The following NFAT5 variants were observed in gnomAD, a reference collection of about 807,000 sequenced individuals.
NFAT5 encodes nuclear factor of activated T cells 5, also known as nuclear factor of activated T-cells 5.
In NFAT5, 31 loss-of-function variants were observed where a neutral mutation model predicts 166.5. That is an observed-to-expected ratio of 0.19 (90% CI 0.14 to 0.25). The LOEUF (loss-of-function observed/expected upper bound fraction) is 0.25. NFAT5 is among the 10% of genes least tolerant of loss of function. The probability of loss-of-function intolerance (pLI) is 1.00; values close to 1 mark genes in which losing one functional copy is unlikely to be tolerated. For synonymous variants in NFAT5, 612 were observed against 639.7 expected, an observed-to-expected ratio of 0.96 and a Z score of 0.65; for missense variants, 1,449 against 1,821.8, an observed-to-expected ratio of 0.80 and a Z score of 3.72.
intron 1 of NFAT5, 102 bp from the exon 2 acceptor site, chr16:69,568,390 ATAT>A: frequency 2.3e-6 from 1 of 426,022 alleles, no homozygotes; most frequent in Non-Finnish European, 4.2e-6. Context: ...ATATATATAT[ATAT>A]ACACACACAC....
chr16:69,580,804 C>T (rs1272116300), intron 2 of NFAT5, among the ~76,000 whole-genome samples: 1 of 151,718 alleles, frequency 6.6e-6, no homozygotes, highest in Non-Finnish European at 1.5e-5. Context: ...TACAGGTGCC[C>T]GCCACCACGC....
rs143626442 is a variant in NFAT5, at chr16:69,640,556, A to T, written c.254-6472A>T. On this transcript the variant is annotated intron_variant, in intron 3 of 14. Transcript: ENST00000349945. ...TTTCTCTGAATATCTTTCTTCTTTA[A>T]TCTGAAAATATGTCCTTGTATCTGG... Among the ~76,000 whole-genome samples, 337 of 152,336 alleles carry T rather than the reference A, an allele frequency of 2.2e-3. 2 individuals carry two copies. The highest frequency in any genetic ancestry group is 5.4e-3 in the South Asian group (26 of 4,826).
chr16:69,660,207 GC>G (rs1567584363), intron 7 of NFAT5, among the ~76,000 whole-genome samples: 2 of 152,154 alleles, frequency 1.3e-5, no homozygotes, highest in East Asian at 1.9e-4. Flanking sequence ...GATCACTTCA[GC>G]CCAGGAGTTT....
At chr16:69,600,628 T>C (rs2033076128) in intron 2 of NFAT5, among the ~76,000 whole-genome samples, 1 of 152,020 alleles carries the variant, frequency 6.6e-6, no homozygotes, top group African/African-American at 2.4e-5. Context: ...AAAGGAAGTA[T>C]GGGAAATTTA....
chr16:69,644,796 G>T, intron 3 of NFAT5: 1 of 452,380 alleles, frequency 2.2e-6, no homozygotes, highest in South Asian at 1.6e-5. Flanking sequence ...GTCATGAACA[G>T]GGATCCCTGA....
chr16:69,592,280 A>G (rs928429397), intron 2 of NFAT5, among the ~76,000 whole-genome samples: 1 of 151,930 alleles, frequency 6.6e-6, no homozygotes, highest in East Asian at 1.9e-4. Context: ...GGGTTTCACC[A>G]TGTTGGCCAG....
chr16:69,566,145 G>C lies in NFAT5; in HGVS notation c.-157G>C. On this transcript the variant is annotated 5_prime_UTR_variant, in exon 1 of 15. Coordinates refer to ENST00000349945, the MANE Select transcript of NFAT5 (RefSeq NM_138713.4). The surrounding 1 kb of genome is among the most constrained non-coding windows in gnomAD (Gnocchi z 5.7). ...CCTCGCCATCGTTTCCTCGGTCCTC[G>C]GCCCAGTGGAAGTCACTACCCTCGA... 1 of 606,998 alleles carries C rather than the reference G, an allele frequency of 1.6e-6. No homozygotes were observed. 37.6% of individuals were successfully genotyped at this position (606,998 alleles called of 1,614,324 possible). A position where few individuals can be genotyped will look rare whatever the true frequency, so the allele number is the denominator to read the frequency against.
intron 2 of NFAT5, among the ~76,000 whole-genome samples, chr16:69,597,403 C>T (rs1049709855): frequency 1.3e-5 from 2 of 152,034 alleles, no homozygotes; most frequent in East Asian, 1.9e-4. Context: ...TTTCCTTGCA[C>T]GGTAAAGGGC....
intron 2 of NFAT5, among the ~76,000 whole-genome samples, chr16:69,588,328 T>C (rs1157441779): frequency 6.6e-6 from 1 of 152,166 alleles, no homozygotes; most frequent in East Asian, 1.9e-4. Context: ...TCTTTTCTAA[T>C]TATAAAAACC....
intron 1 of NFAT5, 119 bp from the exon 2 acceptor site, chr16:69,568,376 G>GTGTGTGTGTGTGTGTGTGTGTATA (rs1163472084): frequency 3.6e-6 from 1 of 278,186 alleles, no homozygotes; most frequent in Non-Finnish European, 6.5e-6. Flanking sequence ...GTGTGTGTGT[G>GTGTGTGTGTGTGTGTGTGTGTATA]TATATATATA....
chr16:69,600,468 A>G (rs1443460221), intron 2 of NFAT5, among the ~76,000 whole-genome samples: 1 of 152,224 alleles, frequency 6.6e-6, no homozygotes, highest in South Asian at 2.1e-4. Context: ...GGCATATATA[A>G]GAATAGGAAT....
Position 69,699,391 on chromosome 16 carries a change from G to A in NFAT5, c.*3040G>A, listed in dbSNP as rs1480894361. 1.3e-5 allele frequency: 2 copies of A among 152,594 alleles called. No individual in the cohort carries two copies. Among genetic ancestry groups the A allele is most frequent in the African/African-American group, 2.4e-5 (1 of 41,446 alleles). 9.5% of individuals were successfully genotyped at this position (152,594 alleles called of 1,614,324 possible). A position where few individuals can be genotyped will look rare whatever the true frequency, so the allele number is the denominator to read the frequency against. On this transcript the variant is annotated 3_prime_UTR_variant, in exon 15 of 15. Transcript: ENST00000349945. Reference sequence around the variant, plus strand: ...TTGATCGGATGGAGACAGAAAACCCGATTTTTATTCTCATAAATTTTGTGG... The same window carrying A: ...TTGATCGGATGGAGACAGAAAACCCAATTTTTATTCTCATAAATTTTGTGG...
chr16:69,602,643 A>T (rs2033194958), intron 2 of NFAT5, among the ~76,000 whole-genome samples: 2 of 146,778 alleles, frequency 1.4e-5, no homozygotes, highest in African/African-American at 5.0e-5. Flanking sequence ...AAGATTTTCC[A>T]GCCTAGGCTG....
chr16:69,578,877 G>GT lies in NFAT5; in HGVS notation c.127+10344dup, dbSNP rs200744895. 6.6e-3 allele frequency among the ~76,000 whole-genome samples: 944 copies of GT among 143,568 alleles called. 5 individuals carry two copies. Among genetic ancestry groups the GT allele is most frequent in the East Asian group, 0.032 (157 of 4,970 alleles). 94.2% of individuals were successfully genotyped at this position (143,568 alleles called of 152,430 possible). A position where few individuals can be genotyped will look rare whatever the true frequency, so the allele number is the denominator to read the frequency against. ...CACTATAAAAGTTGCATCTGAATAA[G>GT]TTTTTTTTTTTTTTTGAGACGGAGT... On this transcript the variant is annotated intron_variant, in intron 2 of 14. Coordinates refer to ENST00000349945, the MANE Select transcript of NFAT5 (RefSeq NM_138713.4).
At chr16:69,677,999 A>C (rs973752605) in intron 10 of NFAT5, among the ~76,000 whole-genome samples, 1 of 148,022 alleles carries the variant, frequency 6.8e-6, no homozygotes, top group Non-Finnish European at 1.5e-5. Flanking sequence ...CTAAAAATAC[A>C]AAAAAAAAAT....
intron 4 of NFAT5, among the ~76,000 whole-genome samples, chr16:69,652,746 G>T (rs1268468555): frequency 1.2e-5 from 1 of 86,080 alleles, no homozygotes; most frequent in African/African-American, 4.6e-5. Flanking sequence ...GTTTTTGGGG[G>T]TTTGTTTTTT....
chr16:69,629,617 C>A (rs2034616464), intron 3 of NFAT5, among the ~76,000 whole-genome samples: 2 of 151,726 alleles, frequency 1.3e-5, no homozygotes, highest in South Asian at 4.2e-4. Context: ...ATTTTGTTAT[C>A]CCATTTTTTT....
chr16:69,666,852 G>A (rs1414995462), intron 7 of NFAT5, among the ~76,000 whole-genome samples: 2 of 152,046 alleles, frequency 1.3e-5, no homozygotes, highest in African/African-American at 4.8e-5. Flanking sequence ...AAATCATGCT[G>A]CTATAAAGAT....
At chr16:69,670,400 T>C in intron 9 of NFAT5, 112 bp downstream of exon 9, 1 of 647,486 alleles carries the variant, frequency 1.5e-6, no homozygotes, top group South Asian at 2.0e-5. Flanking sequence ...ATGGGATTGA[T>C]ATGAATTATT....
Sources: gnomAD v4.1 joint callset for allele counts (sites outside exome capture counted in the v4.1 genomes callset) on GRCh38, gnomAD v4.1.1 for gene constraint, Gnocchi (gnomAD v3.1) non-coding constraint, MANE v1.5 for transcripts, NCBI Gene and HGNC (gene_info 2026-07-23, HGNC 2026-07-21) for gene names.